Variants in LMBRD2 observed in about 807,000 individuals in gnomAD.
The protein encoded by LMBRD2 is G protein-coupled receptor-associated protein LMBRD2.
A neutral mutation model predicts 94.4 loss-of-function variants in LMBRD2; 55 were observed. The ratio of observed to expected loss-of-function variants is 0.58; its 90% CI spans 0.47 to 0.73. LMBRD2 has a LOEUF of 0.73. Ranked by LOEUF, LMBRD2 falls within the 30% of genes least tolerant of loss-of-function variation. LMBRD2 has a pLI of 0.00. For missense variants in LMBRD2, 640 were observed against 831.9 expected (o/e 0.77, Z 2.84); for synonymous variants, 246 against 272.4 (o/e 0.90, Z 0.95).
rs565381564 is a variant in LMBRD2, at chr5:36,111,257, A to C, written c.1642T>G (p.Leu548Val). ...AGCAGATTCAAACAACGGGTTCCCA[A>C]ACTAATAAAAGCAGATTTTTTAAAA... ...VILCIATYFS[L>V]GTRCLNLLGF... The change falls in exon 14 of 18, where the codon TTG (leucine) becomes GTG (valine). Residue 548 changes from leucine (L) to valine (V), a missense_variant and splice_region_variant. Around this residue, in one of 2 missense-constraint regions of LMBRD2, gnomAD observed 183 missense variants for 189.1 expected, o/e 0.97. Transcript: ENST00000296603. The C allele has an allele frequency of 1.9e-4, 304 of 1,602,368 alleles. No homozygotes were observed. The highest frequency in any genetic ancestry group is 2.5e-4 in the Non-Finnish European group (291 of 1,170,992).
intron 6 of LMBRD2, among the ~76,000 whole-genome samples, chr5:36,134,293 C>T (rs1053500722): frequency 3.3e-5 from 5 of 151,964 alleles, no homozygotes; most frequent in South Asian, 2.1e-4. Flanking sequence ...GCAAAGCCAA[C>T]GTAAAATTTT....
intron 4 of LMBRD2, among the ~76,000 whole-genome samples, chr5:36,140,435 G>T (rs185815260): frequency 1.1e-3 from 175 of 152,304 alleles, no homozygotes; most frequent in African/African-American, 4.0e-3. Flanking sequence ...TAAAATTCAG[G>T]CAAAGGTGCT....
At chr5:36,137,845 C>T (rs1411782825) in intron 4 of LMBRD2, among the ~76,000 whole-genome samples, 2 of 152,102 alleles carry the variant, frequency 1.3e-5, no homozygotes, top group Non-Finnish European at 2.9e-5. Context: ...TGAAGTAGTA[C>T]CTAGGAGACA....
chr5:36,147,579 C>A (rs1447258907), intron 1 of LMBRD2, among the ~76,000 whole-genome samples: 1 of 152,162 alleles, frequency 6.6e-6, no homozygotes, highest in East Asian at 1.9e-4. Context: ...CCAATTCAAT[C>A]TTTTTCCAAT....
intron 6 of LMBRD2, among the ~76,000 whole-genome samples, chr5:36,133,368 G>T (rs1744197555): frequency 6.6e-6 from 1 of 151,954 alleles, no homozygotes; most frequent in South Asian, 2.1e-4. Flanking sequence ...AGAGGGGAGG[G>T]TGGGAAGTGG....
At chr5:36,137,125 T>G (rs1205971884) in intron 5 of LMBRD2, 149 bp downstream of exon 5, 1 of 521,718 alleles carries the variant, frequency 1.9e-6, no homozygotes, top group East Asian at 2.9e-5. Context: ...ATATGGATTA[T>G]TCACATATTC....
At position 36,104,024 on chromosome 5, in the gene LMBRD2, G is replaced by C. The variant is rs1256327437; in HGVS notation, c.*22C>G. On this transcript the variant is annotated 3_prime_UTR_variant, in exon 18 of 18. Transcript: ENST00000296603. ...ACTGATGTGTTGACCTTGGTTAGTG[G>C]TCCCACAAACTTTTTCAGACTTTAA... 1 of 1,589,164 alleles carries C rather than the reference G, an allele frequency of 6.3e-7. No individual in the cohort carries two copies. The highest frequency in any genetic ancestry group is 8.6e-7 in the Non-Finnish European group (1 of 1,159,752).
intron 11 of LMBRD2, 102 bp downstream of exon 11, chr5:36,116,358 A>G (rs1743743688): frequency 9.9e-7 from 1 of 1,010,944 alleles, no homozygotes; most frequent in African/African-American, 1.6e-5. Flanking sequence ...TGATAGAAAT[A>G]TAGATGTTAG....
In LMBRD2 at chr5:36,150,337, A is replaced by G. The variant is rs571685424; in HGVS notation, c.-58+1219T>C. ...TAAATTTAGAATCATCTCATCGATT[A>G]AACCTTCCTATCTATGAGATCTATA... On this transcript the variant is annotated intron_variant, in intron 1 of 17. Transcript: ENST00000296603. 3.6e-4 allele frequency among the ~76,000 whole-genome samples: 55 copies of G among 152,346 alleles called. No homozygotes were observed. In the South Asian group the frequency reaches 9.1e-3, roughly 25 times the overall value.
In LMBRD2 at chr5:36,117,963, A is replaced by G. The variant is rs1271333563; in HGVS notation, c.1121-47T>C. ...TGATTAGGAAAACTACAAAAGAGTA[A>G]TGGGATATTTACATTGTTTCAAAAT... is the stretch of plus-strand genomic sequence containing the variant. On this transcript the variant is annotated intron_variant, in intron 9 of 17. Transcript: ENST00000296603. The G allele has an allele frequency of 2.2e-6, 3 of 1,381,386 alleles. No homozygotes were observed. The South Asian group carries it at 4.1e-5, about 19-fold the overall frequency. 85.6% of individuals were successfully genotyped at this position (1,381,386 alleles called of 1,614,324 possible).
At chr5:36,108,146 C>A (rs1743516170) in intron 16 of LMBRD2, among the ~76,000 whole-genome samples, 1 of 152,012 alleles carries the variant, frequency 6.6e-6, no homozygotes, top group African/African-American at 2.4e-5. Flanking sequence ...TGGGAATATG[C>A]CTAACTTATA....
At chr5:36,114,811 T>C (rs954903604) in intron 12 of LMBRD2, among the ~76,000 whole-genome samples, 2 of 152,096 alleles carry the variant, frequency 1.3e-5, no homozygotes, top group Non-Finnish European at 2.9e-5. Context: ...CTAGACAACA[T>C]ATATGAACCA....
At chr5:36,123,529 C>T (rs986144006) in intron 7 of LMBRD2, among the ~76,000 whole-genome samples, 5 of 151,900 alleles carry the variant, frequency 3.3e-5, no homozygotes, top group Non-Finnish European at 5.9e-5. Flanking sequence ...GAACACTACA[C>T]AAGAATCAGT....
In LMBRD2 at chr5:36,136,528, G is replaced by C. The variant is rs1744276006; in HGVS notation, c.537-9C>G. 1 of 1,607,430 alleles carries C rather than the reference G, an allele frequency of 6.2e-7. No individual in the cohort carries two copies. The highest frequency in any genetic ancestry group is 8.5e-7 in the Non-Finnish European group (1 of 1,174,046). ...TTGTCTGAAGCTGGTTCCTAAGAAAGGGAAACAACAGATAATATGTATATT... is the reference window on the plus strand; with the variant it reads ...TTGTCTGAAGCTGGTTCCTAAGAAACGGAAACAACAGATAATATGTATATT... On this transcript the variant is annotated splice_polypyrimidine_tract_variant and intron_variant, in intron 5 of 17. Transcript: ENST00000296603.
intron 9 of LMBRD2, among the ~76,000 whole-genome samples, chr5:36,121,416 AG>A (rs1251977300): frequency 2.6e-5 from 4 of 152,232 alleles, no homozygotes; most frequent in African/African-American, 7.2e-5. Flanking sequence ...AAAATAAATA[AG>A]GTAAATAGAA....
At chr5:36,136,541 T>C (rs756825444) in intron 5 of LMBRD2, 22 bp from the exon 6 acceptor site, 14 of 1,586,668 alleles carry the variant, frequency 8.8e-6, no homozygotes, top group African/African-American at 1.3e-5. Flanking sequence ...AAACAACAGA[T>C]AATATGTATA....
intron 1 of LMBRD2, among the ~76,000 whole-genome samples, chr5:36,147,683 T>C (rs998490067): frequency 2.0e-5 from 3 of 152,186 alleles, no homozygotes; most frequent in Admixed American, 2.0e-4. Context: ...CTGACTAAAG[T>C]ACTGTTTCCT....
chr5:36,127,370 T>C (rs1305347851), intron 6 of LMBRD2, among the ~76,000 whole-genome samples: 1 of 152,042 alleles, frequency 6.6e-6, no homozygotes, highest in East Asian at 1.9e-4. Context: ...GAACACCAAA[T>C]TAAGCAACTA....
rs1002253607 is a variant in LMBRD2, at chr5:36,101,055, T to C, written c.*2991A>G. On this transcript the variant is annotated 3_prime_UTR_variant, in exon 18 of 18. Coordinates refer to ENST00000296603, the MANE Select transcript of LMBRD2 (RefSeq NM_001007527.2). ...ATGTCTGGATTGTCAAATTTTCTGA[T>C]CTATTCTTTATAAAGGGAAAACCCT... The C allele has an allele frequency of 2.0e-5, 3 of 152,038 alleles. No homozygotes were observed. The highest frequency in any genetic ancestry group is 7.2e-5 in the African/African-American group (3 of 41,452). The allele number at this position is 152,038 out of a possible 1,614,324, so 9.4% of individuals were successfully genotyped here. A position where few individuals can be genotyped will look rare whatever the true frequency, so the allele number is the denominator to read the frequency against.
Sources: gnomAD v4.1 joint callset for allele counts (sites outside exome capture counted in the v4.1 genomes callset) on GRCh38, gnomAD v4.1.1 for gene constraint, gnomAD v4.1.1 regional missense constraint, MANE v1.5 for transcripts, NCBI Gene and HGNC (gene_info 2026-07-23, HGNC 2026-07-21) for gene names.